ASCC3: variants seen among roughly 807,000 people sequenced by gnomAD.
ASCC3 encodes activating signal cointegrator 1 complex subunit 3, also known as ASC-1 complex subunit P200.
A neutral mutation model predicts 256.3 loss-of-function variants in ASCC3; 158 were observed. The ratio of observed to expected loss-of-function variants is 0.62; its 90% CI spans 0.54 to 0.70. The LOEUF is 0.70. Ranked by LOEUF, ASCC3 falls within the 30% of genes least tolerant of loss-of-function variation. The pLI is 0.00. For missense variants in ASCC3, 2,259 were observed against 2,626.0 expected (o/e 0.86, Z 3.05); for synonymous variants, 948 against 883.4 (o/e 1.07, Z -1.30).
At chr6:100,605,802 A>G in intron 32 of ASCC3, 102 bp from the exon 33 acceptor site, 1 of 1,309,510 alleles carries the variant, frequency 7.6e-7, no homozygotes. Flanking sequence ...ATAACAAAAG[A>G]AATAGAATAT....
chr6:100,680,295 G>A lies in ASCC3; in HGVS notation c.2152-543C>T, dbSNP rs559441015. Among the ~76,000 whole-genome samples, 3 of 152,256 alleles carry A rather than the reference G, an allele frequency of 2.0e-5. No individual in the cohort carries two copies. In the South Asian group the frequency reaches 6.2e-4, roughly 32 times the overall value. On this transcript the variant is annotated intron_variant, in intron 13 of 41. Transcript: ENST00000369162. ...CTGTGGAATTATTCATGAAGTGACT[G>A]GGGATATCTGAACTAGGGGGAAGGT...
chr6:100,855,458 T>C (rs372695824), intron 3 of ASCC3, among the ~76,000 whole-genome samples: 4 of 152,234 alleles, frequency 2.6e-5, no homozygotes, highest in African/African-American at 9.6e-5. Context: ...TATTCCCAGG[T>C]AATCTGAATT....
intron 13 of ASCC3, among the ~76,000 whole-genome samples, chr6:100,684,800 CTCT>C (rs1422329200): frequency 2.2e-4 from 30 of 137,488 alleles, no homozygotes; most frequent in African/African-American, 7.3e-4. Context: ...TTGAATCAAA[CTCT>C]TTTTTTTTTT....
intron 36 of ASCC3, among the ~76,000 whole-genome samples, chr6:100,543,394 T>C (rs1384925471): frequency 6.6e-6 from 1 of 152,142 alleles, no homozygotes; most frequent in Non-Finnish European, 1.5e-5. Flanking sequence ...GGACCAACTA[T>C]ATATGTTTGC....
rs145031354 is a variant in ASCC3, at chr6:100,572,539, T to A, written c.5550+17095A>T. 3.0e-3 allele frequency among the ~76,000 whole-genome samples: 462 copies of A among 152,300 alleles called. 7 individuals are homozygous for A. The highest frequency in any genetic ancestry group is 2.8e-3 in the Non-Finnish European group (193 of 68,018). ...AAGGGAATAGGGCATAGGGAAATAC[T>A]GCCAGAAATAACAAACAAACTAAGA... On this transcript the variant is annotated intron_variant, in intron 36 of 41. Transcript: ENST00000369162.
chr6:100,636,714 C>T (rs1362682045), intron 25 of ASCC3, among the ~76,000 whole-genome samples: 5 of 152,164 alleles, frequency 3.3e-5, no homozygotes, highest in Non-Finnish European at 7.4e-5. Flanking sequence ...CTTCATTGAA[C>T]ACATGAATGA....
intron 10 of ASCC3, among the ~76,000 whole-genome samples, chr6:100,736,753 A>C (rs1780188626): frequency 6.6e-6 from 1 of 152,170 alleles, no homozygotes; most frequent in African/African-American, 2.4e-5. Flanking sequence ...TTGCTAAGGA[A>C]GGGTGGGATC....
chr6:100,569,826 T>C (rs1440634761), intron 36 of ASCC3, among the ~76,000 whole-genome samples: 2 of 152,178 alleles, frequency 1.3e-5, no homozygotes, highest in Non-Finnish European at 2.9e-5. Context: ...AAAAATGACA[T>C]TGGTAGTTTG....
At chr6:100,827,844 T>C (rs1441866131) in intron 4 of ASCC3, among the ~76,000 whole-genome samples, 1 of 152,084 alleles carries the variant, frequency 6.6e-6, no homozygotes, top group Non-Finnish European at 1.5e-5. Context: ...TTTCACTTTG[T>C]GTCTACTAAG....
At chr6:100,830,407 T>C (rs766277817) in intron 4 of ASCC3, among the ~76,000 whole-genome samples, 2 of 152,126 alleles carry the variant, frequency 1.3e-5, no homozygotes, top group Non-Finnish European at 2.9e-5. Flanking sequence ...TACATAGATA[T>C]AACATTTGTA....
At chr6:100,512,512 G>A (rs1773813838) in intron 40 of ASCC3, among the ~76,000 whole-genome samples, 197 bp downstream of exon 40, 1 of 152,154 alleles carries the variant, frequency 6.6e-6, no homozygotes, top group South Asian at 2.1e-4. Context: ...CTTATGTAAG[G>A]TAGATTTTCT....
intron 4 of ASCC3, among the ~76,000 whole-genome samples, chr6:100,821,446 G>T (rs1018243385): frequency 1.3e-5 from 2 of 151,980 alleles, no homozygotes; most frequent in African/African-American, 4.8e-5. Flanking sequence ...CCAAAAAATA[G>T]AAACCCAAAT....
chr6:100,531,198 G>C, intron 37 of ASCC3: 1 of 610,550 alleles, frequency 1.6e-6, no homozygotes, highest in Non-Finnish European at 2.9e-6. Flanking sequence ...ATACATCTTG[G>C]ACCATATTGT....
intron 10 of ASCC3, among the ~76,000 whole-genome samples, chr6:100,754,673 T>C (rs188739594): frequency 6.6e-6 from 1 of 152,298 alleles, no homozygotes; most frequent in East Asian, 1.9e-4. Flanking sequence ...TCAATTGTTT[T>C]GAGTTTTAGA....
intron 3 of ASCC3, among the ~76,000 whole-genome samples, chr6:100,853,132 C>T (rs1233598778): frequency 6.6e-6 from 1 of 151,974 alleles, no homozygotes; most frequent in African/African-American, 2.4e-5. Context: ...TTATATAGAA[C>T]CTTACCATAT....
At chr6:100,775,801 T>G (rs755513530) in intron 8 of ASCC3, among the ~76,000 whole-genome samples, 3 of 151,932 alleles carry the variant, frequency 2.0e-5, no homozygotes, top group African/African-American at 7.2e-5. Flanking sequence ...AATAAACTTG[T>G]TGGTAAAAAT....
chr6:100,804,911 C>G (rs1262393913), intron 5 of ASCC3, among the ~76,000 whole-genome samples: 2 of 151,966 alleles, frequency 1.3e-5, no homozygotes, highest in East Asian at 1.9e-4. Flanking sequence ...GTATATACCC[C>G]CTACAAAATC....
chr6:100,680,410 A>G (rs886232163), intron 13 of ASCC3, among the ~76,000 whole-genome samples: 3 of 152,198 alleles, frequency 2.0e-5, no homozygotes, highest in Admixed American at 1.3e-4. Context: ...GAAGAGAATA[A>G]GGGAGTGTTT....
In ASCC3 at chr6:100,809,610, C is replaced by T. The variant is rs145579002; in HGVS notation, c.802-3730G>A. On this transcript the variant is annotated intron_variant, in intron 4 of 41. Transcript: ENST00000369162. ...TATAGTGAATACCAATAGACATAAA[C>T]CACATAAACAAAATCTTGTAGAGTA... Among the ~76,000 whole-genome samples, 65 of 152,108 alleles carry T rather than the reference C, an allele frequency of 4.3e-4. 1 individual carries two copies. The highest frequency in any genetic ancestry group is 1.5e-3 in the African/African-American group (64 of 41,534).
Sources: allele counts gnomAD v4.1 joint callset (sites outside exome capture counted in the v4.1 genomes callset), GRCh38; gene constraint gnomAD v4.1.1; transcripts MANE v1.5; gene names NCBI Gene and HGNC (gene_info 2026-07-23, HGNC 2026-07-21).